The following S100A11 variants were observed in gnomAD, a reference collection of about 807,000 sequenced individuals.
S100A11 encodes protein S100-A11.
Under a neutral mutation model 7.4 loss-of-function variants are expected in S100A11, and 5 were observed. The observed-to-expected ratio is 0.68, with a 90% CI of 0.35 to 1.42. S100A11 has a LOEUF of 1.42. Among genes scored for constraint, S100A11 ranks in the 40% most tolerant of loss-of-function variants. The pLI is 0.04. For missense variants in S100A11, 96 were observed against 125.0 expected, an observed-to-expected ratio of 0.77 and a Z score of 1.11; for synonymous variants, 47 against 46.6, an observed-to-expected ratio of 1.01 and a Z score of -0.04.
chr1:152,033,936 G>T lies in S100A11; in HGVS notation c.4-136C>A. On this transcript the variant is annotated intron_variant, in intron 1 of 2. Coordinates refer to ENST00000271638, the MANE Select transcript of S100A11 (RefSeq NM_005620.2). This position sits in a 1 kb window ranked among gnomAD's most constrained non-coding sequence, Gnocchi z 4.0. The stretch of plus-strand genomic sequence containing the variant: ...GAGTCATTTTTTCAAGGGGCTGAGG[G>T]GTTCAAGACAACCACAAAAAGTCAC... 1 of 713,358 alleles carries T rather than the reference G, an allele frequency of 1.4e-6. No homozygotes were observed. The highest frequency in any genetic ancestry group is 2.4e-6 in the Non-Finnish European group (1 of 423,998). 44.2% of individuals were successfully genotyped at this position (713,358 alleles called of 1,614,324 possible).
chr1:152,035,746 G>C (rs1400724290), intron 1 of S100A11, among the ~76,000 whole-genome samples: 1 of 152,210 alleles, frequency 6.6e-6, no homozygotes, highest in Non-Finnish European at 1.5e-5. Flanking sequence ...CACTCTTGGA[G>C]TCTTACTTGG....
At chr1:152,032,983 C>T (rs536735100) in intron 2 of S100A11, among the ~76,000 whole-genome samples, 160 bp from the exon 3 acceptor site, 38 of 152,324 alleles carry the variant, frequency 2.5e-4, no homozygotes, top group African/African-American at 7.9e-4. Flanking sequence ...GGTGAAGTGA[C>T]CTGCCTAAGG....
Position 152,036,952 on chromosome 1 carries a change from G to T in S100A11, c.-37C>A, listed in dbSNP as rs1181003445. ...GCGAGGCGCGGGAGGCTGTGGCTGG[G>T]AGCGGCGCTGAGAGCTCTGTGCGCG... On this transcript the variant is annotated 5_prime_UTR_variant, in exon 1 of 3. Transcript: ENST00000271638. 1 of 1,613,064 alleles carries T rather than the reference G, an allele frequency of 6.2e-7. No individual in the cohort carries two copies. The highest frequency in any genetic ancestry group is 8.5e-7 in the Non-Finnish European group (1 of 1,179,698).
At chr1:152,036,794 G>T in intron 1 of S100A11, 119 bp downstream of exon 1, 1 of 893,800 alleles carries the variant, frequency 1.1e-6, no homozygotes, top group Non-Finnish European at 1.8e-6. Context: ...GATTTTTCCT[G>T]CTGTTTCCTG....
At position 152,033,934 on chromosome 1, in the gene S100A11, G is replaced by A. The variant is rs946816330; in HGVS notation, c.4-134C>T. The A allele has an allele frequency of 1.6e-5, 12 of 742,834 alleles. No homozygotes were observed. In the African/African-American group the frequency reaches 2.1e-4, roughly 13 times the overall value. 46.0% of individuals were successfully genotyped at this position (742,834 alleles called of 1,614,324 possible). A position where few individuals can be genotyped will look rare whatever the true frequency, so the allele number is the denominator to read the frequency against. On this transcript the variant is annotated intron_variant, in intron 1 of 2. Coordinates refer to ENST00000271638, the MANE Select transcript of S100A11 (RefSeq NM_005620.2). This position sits in a 1 kb window ranked among gnomAD's most constrained non-coding sequence, Gnocchi z 4.0. ...CTGAGTCATTTTTTCAAGGGGCTGA[G>A]GGGTTCAAGACAACCACAAAAAGTC...
At chr1:152,034,678 C>T (rs1572129640) in intron 1 of S100A11, among the ~76,000 whole-genome samples, 1 of 152,198 alleles carries the variant, frequency 6.6e-6, no homozygotes, top group African/African-American at 2.4e-5. Context: ...ATCCGGTTCC[C>T]CAAGGGGACT....
At position 152,032,516 on chromosome 1, in the gene S100A11, A is replaced by T. The variant is rs973663636; in HGVS notation, c.*146T>A. 1.1e-5 allele frequency: 7 copies of T among 624,180 alleles called. No homozygotes were observed. Among genetic ancestry groups the T allele is most frequent in the African/African-American group, 1.8e-5 (1 of 55,446 alleles). 38.7% of individuals were successfully genotyped at this position (624,180 alleles called of 1,614,324 possible). A position where few individuals can be genotyped will look rare whatever the true frequency, so the allele number is the denominator to read the frequency against. On this transcript the variant is annotated 3_prime_UTR_variant, in exon 3 of 3. Coordinates refer to ENST00000271638, the MANE Select transcript of S100A11 (RefSeq NM_005620.2). ...TCACCAACTCTCTAGTTCATGTTTTAAAAAAGTGACATTGCTTTATTACTA... is the reference window on the plus strand; with the variant it reads ...TCACCAACTCTCTAGTTCATGTTTTTAAAAAGTGACATTGCTTTATTACTA...
chr1:152,036,581 G>A (rs1420889971), intron 1 of S100A11, among the ~76,000 whole-genome samples: 1 of 152,102 alleles, frequency 6.6e-6, no homozygotes, highest in African/African-American at 2.4e-5. Flanking sequence ...GGGAGACCGC[G>A]GGCGAGGGGC....
At chr1:152,034,046 C>T (rs576842365) in intron 1 of S100A11, among the ~76,000 whole-genome samples, 5 of 152,278 alleles carry the variant, frequency 3.3e-5, no homozygotes, top group African/African-American at 7.2e-5. Flanking sequence ...ATTGCTGGCA[C>T]GTTTAAAAGC....
Position 152,032,825 on chromosome 1 carries a change from T to G in S100A11, c.157-2A>C. On this transcript the variant is annotated splice_acceptor_variant, in intron 2 of 2. Transcript: ENST00000271638. LOFTEE classifies it high-confidence loss of function. Reference sequence around the variant, plus strand: ...AAGGACACCAGGGTCCTTCTGGTTCTGCAGAGAAAATAATAATTACACCTT... The same window carrying G: ...AAGGACACCAGGGTCCTTCTGGTTCGGCAGAGAAAATAATAATTACACCTT... 1.2e-6 allele frequency: 2 copies of G among 1,603,334 alleles called. No homozygotes were observed. Among genetic ancestry groups the G allele is most frequent in the Non-Finnish European group, 1.7e-6 (2 of 1,172,284 alleles).
chr1:152,033,640 A>G lies in S100A11; in HGVS notation c.156+8T>C. ...GTTTGGGGAAGTGGGGGAGACAGGGACCAGTACCTTTGTGAAGGCAGCTAG... is the reference window on the plus strand; with the variant it reads ...GTTTGGGGAAGTGGGGGAGACAGGGGCCAGTACCTTTGTGAAGGCAGCTAG... On this transcript the variant is annotated splice_region_variant and intron_variant, in intron 2 of 2. Coordinates refer to ENST00000271638, the MANE Select transcript of S100A11 (RefSeq NM_005620.2). The surrounding 1 kb of genome is among the most constrained non-coding windows in gnomAD (Gnocchi z 4.0). The G allele has an allele frequency of 1.2e-6, 2 of 1,612,420 alleles. No individual in the cohort carries two copies. Among genetic ancestry groups the G allele is most frequent in the Non-Finnish European group, 1.7e-6 (2 of 1,179,608 alleles).
Position 152,033,808 on chromosome 1 carries a change from G to GA in S100A11, c.4-9dup, listed in dbSNP as rs751852653. The GA allele has an allele frequency of 4.3e-6, 7 of 1,612,162 alleles. No homozygotes were observed. The highest frequency in any genetic ancestry group is 2.2e-5 in the East Asian group (1 of 44,866). On this transcript the variant is annotated splice_polypyrimidine_tract_variant and intron_variant, in intron 1 of 2. Transcript: ENST00000271638. This position sits in a 1 kb window ranked among gnomAD's most constrained non-coding sequence, Gnocchi z 4.0. The stretch of plus-strand genomic sequence containing the variant: ...AGGGCTGGAGATTTTTGCCTTTGGA[G>GA]AAAAAAAATTGCAGGGCTCAGACAA...
rs553074961 is a variant in S100A11 at position 152,036,576 on chromosome 1, A to G, written c.3+337T>C. On this transcript the variant is annotated intron_variant, in intron 1 of 2. Transcript: ENST00000271638. Reference sequence around the variant, plus strand: ...CTAGGCGTCTCTGGGCTCCCGGGAGACCGCGGGCGAGGGGCTGGAGGCAGT... The same window carrying G: ...CTAGGCGTCTCTGGGCTCCCGGGAGGCCGCGGGCGAGGGGCTGGAGGCAGT... 7.6e-4 allele frequency among the ~76,000 whole-genome samples: 115 copies of G among 151,738 alleles called. No homozygotes were observed. In the South Asian group the frequency reaches 9.6e-3, roughly 13 times the overall value.
rs945778157 is a variant in S100A11, at chr1:152,032,622, A to T, written c.*40T>A. The T allele has an allele frequency of 6.3e-7, 1 of 1,577,636 alleles. No individual in the cohort carries two copies. The highest frequency in any genetic ancestry group is 8.7e-7 in the Non-Finnish European group (1 of 1,153,462). ...TGGAGATGATGACAGAAAGGCTGGA[A>T]GGAAAGGGGGTGGGTTTGAAGGCCA... On this transcript the variant is annotated 3_prime_UTR_variant, in exon 3 of 3. Transcript: ENST00000271638.
At chr1:152,034,924 A>G (rs906904110) in intron 1 of S100A11, among the ~76,000 whole-genome samples, 4 of 152,206 alleles carry the variant, frequency 2.6e-5, no homozygotes, top group Non-Finnish European at 4.4e-5. Context: ...CGTAATTAAC[A>G]CGTGCTAAGA....
At chr1:152,034,738 C>A (rs1656801979) in intron 1 of S100A11, among the ~76,000 whole-genome samples, 1 of 152,242 alleles carries the variant, frequency 6.6e-6, no homozygotes, top group Non-Finnish European at 1.5e-5. Context: ...TGGGTAGAAG[C>A]CGCAATTACA....
chr1:152,036,956 G>C lies in S100A11; in HGVS notation c.-41C>G, dbSNP rs778434849. 116 of 1,612,690 alleles carry C rather than the reference G, an allele frequency of 7.2e-5. No homozygotes were observed. Among genetic ancestry groups the C allele is most frequent in the Middle Eastern group, 7.0e-4 (4 of 5,700 alleles). On this transcript the variant is annotated 5_prime_UTR_variant, in exon 1 of 3. Transcript: ENST00000271638. ...GGCGCGGGAGGCTGTGGCTGGGAGC[G>C]GCGCTGAGAGCTCTGTGCGCGCGGC... is the stretch of plus-strand genomic sequence containing the variant.
rs1302990929 is a variant in S100A11 at position 152,036,978 on chromosome 1, C to G, written c.-63G>C. ...AGCGGCGCTGAGAGCTCTGTGCGCGCGGCGTGCGGGTCTGGAGCCTCTCCT... is the reference window on the plus strand; with the variant it reads ...AGCGGCGCTGAGAGCTCTGTGCGCGGGGCGTGCGGGTCTGGAGCCTCTCCT... On this transcript the variant is annotated 5_prime_UTR_variant, in exon 1 of 3. Transcript: ENST00000271638. The G allele has an allele frequency of 6.2e-7, 1 of 1,610,874 alleles. No individual in the cohort carries two copies. The highest frequency in any genetic ancestry group is 2.2e-5 in the East Asian group (1 of 44,814).
At chr1:152,036,622 C>A (rs541978637) in intron 1 of S100A11, among the ~76,000 whole-genome samples, 3 of 152,072 alleles carry the variant, frequency 2.0e-5, no homozygotes, top group Non-Finnish European at 2.9e-5. Flanking sequence ...GGGTCCCCCC[C>A]CCGCGCGGTG....
Sources: gnomAD v4.1 joint callset for allele counts (sites outside exome capture counted in the v4.1 genomes callset) on GRCh38, gnomAD v4.1.1 for gene constraint, Gnocchi (gnomAD v3.1) non-coding constraint, MANE v1.5 for transcripts, NCBI Gene and HGNC (gene_info 2026-07-23, HGNC 2026-07-21) for gene names.